The following CSGALNACT1 variants were observed in gnomAD, a reference collection of about 807,000 sequenced individuals.
CSGALNACT1 encodes chondroitin sulfate N-acetylgalactosaminyltransferase 1, also known as beta4GalNAcT-1.
CSGALNACT1 carries 52 observed loss-of-function variants against 51.0 expected under a neutral mutation model. The ratio of observed to expected loss-of-function variants is 1.02; its 90% CI spans 0.82 to 1.29. CSGALNACT1 has a LOEUF of 1.29. Among genes scored for constraint, CSGALNACT1 ranks in the 50% most tolerant of loss-of-function variants. CSGALNACT1 has a pLI of 0.00. For synonymous variants in CSGALNACT1, 341 were observed against 254.4 expected, an observed-to-expected ratio of 1.34 and a Z score of -3.24; for missense variants, 935 against 679.2, an observed-to-expected ratio of 1.38 and a Z score of -4.19.
At chr8:19,590,704 C>T (rs2154132884) in intron 3 of CSGALNACT1, among the ~76,000 whole-genome samples, 1 of 123,492 alleles carries the variant, frequency 8.1e-6, no homozygotes, top group Middle Eastern at 7.7e-3. Context: ...GGCTGGAGTG[C>T]ATTGGCGCGA....
intron 4 of CSGALNACT1, among the ~76,000 whole-genome samples, chr8:19,496,691 G>T (rs1302296972): frequency 6.6e-6 from 1 of 152,170 alleles, no homozygotes; most frequent in Non-Finnish European, 1.5e-5. Flanking sequence ...AGTCACAGGT[G>T]CTGGCAGGGA....
At chr8:19,440,269 G>C (rs2061096167) in intron 5 of CSGALNACT1, among the ~76,000 whole-genome samples, 1 of 152,122 alleles carries the variant, frequency 6.6e-6, no homozygotes, top group African/African-American at 2.4e-5. Flanking sequence ...CCCATAAAAA[G>C]ACTATTTTAG....
chr8:19,618,817 C>T (rs1247546913), intron 1 of CSGALNACT1, among the ~76,000 whole-genome samples: 1 of 152,076 alleles, frequency 6.6e-6, no homozygotes, highest in East Asian at 1.9e-4. Flanking sequence ...TCTCTAAGTG[C>T]CTTCTAAATT....
At chr8:19,631,509 A>G (rs892264163) in intron 1 of CSGALNACT1, among the ~76,000 whole-genome samples, 9 of 152,344 alleles carry the variant, frequency 5.9e-5, no homozygotes, top group African/African-American at 2.2e-4. Flanking sequence ...TGCAATTGTC[A>G]TTTTCAGAAA....
intron 3 of CSGALNACT1, among the ~76,000 whole-genome samples, chr8:19,575,035 A>T (rs1354000094): frequency 6.7e-6 from 1 of 148,682 alleles, no homozygotes; most frequent in Non-Finnish European, 1.5e-5. Context: ...CTCCGTCTCA[A>T]AAAAAAAAAA....
At chr8:19,663,267 C>T (rs1291185676) in intron 1 of CSGALNACT1, among the ~76,000 whole-genome samples, 1 of 152,094 alleles carries the variant, frequency 6.6e-6, no homozygotes, top group Non-Finnish European at 1.5e-5. Flanking sequence ...CAGGCTTGTA[C>T]TTAATTGTAC....
chr8:19,502,219 C>T (rs995808239), intron 4 of CSGALNACT1, among the ~76,000 whole-genome samples: 3 of 152,202 alleles, frequency 2.0e-5, no homozygotes, highest in Admixed American at 6.5e-5. Flanking sequence ...GATGGCAGAG[C>T]ATCTCTGAGA....
chr8:19,515,474 T>C (rs1048282592), intron 3 of CSGALNACT1, among the ~76,000 whole-genome samples: 1 of 152,114 alleles, frequency 6.6e-6, no homozygotes, highest in African/African-American at 2.4e-5. Context: ...GGATCCTCCA[T>C]CCCCTCAACT....
At position 19,595,673 on chromosome 8, in the gene CSGALNACT1, T is replaced by C. The variant is rs750544625; in HGVS notation, c.-415-4395A>G. On this transcript the variant is annotated intron_variant, in intron 2 of 9. Transcript: ENST00000454498. ...GCTCACACCTGTAATCCCAGCACTTTGGGAGGCCAAGGCAGGACCCTGTTT... is the reference window on the plus strand; with the variant it reads ...GCTCACACCTGTAATCCCAGCACTTCGGGAGGCCAAGGCAGGACCCTGTTT... Among the ~76,000 whole-genome samples the C allele has an allele frequency of 8.6e-4, 131 of 152,180 alleles. 1 individual carries two copies. The highest frequency in any genetic ancestry group is 2.4e-4 in the Non-Finnish European group (16 of 68,002).
chr8:19,514,475 C>CCATGTATATATATA (rs1337426745), intron 3 of CSGALNACT1, among the ~76,000 whole-genome samples: 1 of 78,782 alleles, frequency 1.3e-5, no homozygotes, highest in Non-Finnish European at 2.4e-5. Flanking sequence ...TGAACAGAGA[C>CCATGTATATATATA]TATATATATA....
At chr8:19,711,183 T>C (rs1215201638) in intron 1 of CSGALNACT1, among the ~76,000 whole-genome samples, 2 of 152,040 alleles carry the variant, frequency 1.3e-5, no homozygotes, top group Non-Finnish European at 2.9e-5. Flanking sequence ...TCAGGCCCAA[T>C]AGAAAGTAAG....
chr8:19,566,777 G>A (rs2041987732), intron 3 of CSGALNACT1, among the ~76,000 whole-genome samples: 1 of 152,084 alleles, frequency 6.6e-6, no homozygotes, highest in Admixed American at 6.5e-5. Context: ...AGGGTTAAAG[G>A]GATAACATAA....
intron 8 of CSGALNACT1, among the ~76,000 whole-genome samples, chr8:19,416,538 G>C (rs1308281042): frequency 2.0e-5 from 3 of 152,174 alleles, no homozygotes; most frequent in Non-Finnish European, 4.4e-5. Context: ...TACTCACCCA[G>C]AGCAAATTCT....
intron 3 of CSGALNACT1, among the ~76,000 whole-genome samples, chr8:19,590,395 A>C (rs1032747804): frequency 2.6e-5 from 4 of 152,204 alleles, no homozygotes; most frequent in Non-Finnish European, 5.9e-5. Flanking sequence ...GCGATATCTT[A>C]TCTTTGCACA....
intron 1 of CSGALNACT1, among the ~76,000 whole-genome samples, chr8:19,706,933 G>A (rs1166027877): frequency 2.6e-5 from 4 of 152,082 alleles, no homozygotes; most frequent in Admixed American, 6.5e-5. Flanking sequence ...CTTTGGCCTC[G>A]TATCTGATCA....
intron 3 of CSGALNACT1, among the ~76,000 whole-genome samples, chr8:19,565,445 A>G (rs966864621): frequency 1.1e-4 from 17 of 152,240 alleles, no homozygotes; most frequent in African/African-American, 3.9e-4. Flanking sequence ...CTCTTGACCT[A>G]TATTTATGAC....
In CSGALNACT1 at chr8:19,563,041, T is replaced by C. The variant is rs1234071085; in HGVS notation, c.-297+28119A>G. On this transcript the variant is annotated intron_variant, in intron 3 of 9. Transcript: ENST00000454498. ...TAGAATCAACCCAAATGCCCATCAA[T>C]GATAGACTGGATAAAGAAAATGTGG... 2.0e-5 allele frequency among the ~76,000 whole-genome samples: 3 copies of C among 152,280 alleles called. 1 individual carries two copies. Among genetic ancestry groups the C allele is most frequent in the Admixed American group, 2.0e-4 (3 of 15,304 alleles).
At chr8:19,748,112 G>A (rs915887928) in intron 1 of CSGALNACT1, among the ~76,000 whole-genome samples, 1 of 152,098 alleles carries the variant, frequency 6.6e-6, no homozygotes, top group Non-Finnish European at 1.5e-5. Context: ...GAAATTTTAA[G>A]TTACTTATAC....
intron 4 of CSGALNACT1, among the ~76,000 whole-genome samples, chr8:19,464,750 G>T (rs1398900723): frequency 6.6e-6 from 1 of 152,152 alleles, no homozygotes; most frequent in African/African-American, 2.4e-5. Flanking sequence ...GATCTGAGAT[G>T]TAACAGTTTC....
Sources: gnomAD v4.1 joint callset for allele counts (sites outside exome capture counted in the v4.1 genomes callset) on GRCh38, gnomAD v4.1.1 for gene constraint, MANE v1.5 for transcripts, NCBI Gene and HGNC (gene_info 2026-07-23, HGNC 2026-07-21) for gene names.